TTLL3: variants seen among roughly 807,000 people sequenced by gnomAD.
TTLL3 encodes tubulin tyrosine ligase like 3.
Under a neutral mutation model 75.2 loss-of-function variants are expected in TTLL3, and 63 were observed. The observed-to-expected ratio is 0.84, with a 90% confidence interval of 0.68 to 1.03. The LOEUF (loss-of-function observed/expected upper bound fraction) is 1.03, where lower values mean the gene tolerates loss of function less well. Among genes scored for constraint, TTLL3 ranks in the 50% least tolerant of loss-of-function variants. The pLI, the probability that TTLL3 is intolerant of heterozygous loss-of-function variation, is 0.00. For missense variants in TTLL3, 997 were observed against 1,069.9 expected (o/e 0.93, Z 0.95); for synonymous variants, 393 against 418.5 (o/e 0.94, Z 0.74).
At chr3:9,815,847 TAAGGCCAAAAGGAGGC>T (rs2079800307) in intron 4 of TTLL3, among the ~76,000 whole-genome samples, 1 of 152,218 alleles carries the variant, frequency 6.6e-6, no homozygotes, top group African/African-American at 2.4e-5. Flanking sequence ...TTGGCCTCCC[TAAGGCCAAAAGGAGGC>T]TGAAAGGCTG....
intron 8 of TTLL3, among the ~76,000 whole-genome samples, chr3:9,823,362 C>T (rs1217042623): frequency 6.8e-6 from 1 of 147,902 alleles, no homozygotes; most frequent in Non-Finnish European, 1.5e-5. Flanking sequence ...CCAGCCTGGG[C>T]AACAGAGCGA....
At chr3:9,818,957 T>C (rs933209829) in intron 7 of TTLL3, 37 bp downstream of exon 7, 2 of 1,613,610 alleles carry the variant, frequency 1.2e-6, no homozygotes, top group African/African-American at 2.7e-5. Context: ...CCCACCCATT[T>C]ATCCTCCACC....
intron 4 of TTLL3, 36 bp downstream of exon 4, chr3:9,813,381 G>A (rs1441765009): frequency 6.2e-7 from 1 of 1,611,138 alleles, no homozygotes; most frequent in Non-Finnish European, 8.5e-7. Context: ...TACAGGGACT[G>A]CCTGCTTAGA....
At chr3:9,831,925 C>G (rs1166797170) in intron 11 of TTLL3, among the ~76,000 whole-genome samples, 1 of 150,254 alleles carries the variant, frequency 6.7e-6, no homozygotes, top group Non-Finnish European at 1.5e-5. Context: ...TCCCGAGTAG[C>G]TGGGATTACA....
At chr3:9,831,359 A>G (rs2081512721) in intron 11 of TTLL3, among the ~76,000 whole-genome samples, 1 of 152,220 alleles carries the variant, frequency 6.6e-6, no homozygotes, top group Non-Finnish European at 1.5e-5. Context: ...CTCAGGAACT[A>G]GAAGTTAGGT....
intron 10 of TTLL3, chr3:9,827,575 T>G: frequency 3.6e-6 from 1 of 277,074 alleles, no homozygotes; most frequent in Non-Finnish European, 7.0e-6. Context: ...TTTAAGTTTT[T>G]TAATGTAGAC....
At chr3:9,824,737 C>CTTTTTTTTTTTTT (rs71052207) in intron 8 of TTLL3, among the ~76,000 whole-genome samples, 3 of 80,672 alleles carry the variant, frequency 3.7e-5, no homozygotes, top group Admixed American at 1.6e-4. Flanking sequence ...CTTTTCTTTT[C>CTTTTTTTTTTTTT]TTTTTTTTTT....
chr3:9,809,963 C>CGCGGGATCAGGGGCCCTGGGAGGGCGGGA (rs2079187265), upstream of TTLL3: 2 of 1,292,956 alleles, frequency 1.5e-6, no homozygotes, highest in South Asian at 2.5e-5. Flanking sequence ...CGCGGAGGGG[C>CGCGGGATCAGGGGCCCTGGGAGGGCGGGA]GCGGGATCAG....
chr3:9,829,315 G>A lies in TTLL3; in HGVS notation c.1603G>A (p.Ala535Thr). The change falls in exon 11 of 14, where the codon GCT becomes ACT. Residue 535 changes from alanine to threonine, a missense_variant. Transcript: ENST00000685419. ...TGCCCGGCTCTGTGCTGGCGTGCAA[G>A]CTGACACCCTGCGCGTGGTCATTGA... Reference protein sequence around the residue: ...VTARLCAGVQADTLRVVIDRM... With the variant: ...VTARLCAGVQTDTLRVVIDRM... The A allele has an allele frequency of 6.2e-7, 1 of 1,613,778 alleles. No individual in the cohort carries two copies. The highest frequency in any genetic ancestry group is 8.5e-7 in the Non-Finnish European group (1 of 1,179,834).
chr3:9,811,235 C>T (rs1347516782), intron 2 of TTLL3, among the ~76,000 whole-genome samples: 2 of 152,194 alleles, frequency 1.3e-5, no homozygotes, highest in Non-Finnish European at 2.9e-5. Context: ...CAGCCTCGAA[C>T]TCCACATCCC....
Position 9,829,031 on chromosome 3 carries a change from C to T in TTLL3, c.1319C>T (p.Pro440Leu), listed in dbSNP as rs200212462. The change falls in exon 11 of 14, where the codon CCG (proline) becomes CTG (leucine). Residue 440 changes from proline to leucine, a missense_variant. By Grantham distance (98) the Pro-to-Leu change is moderately conservative. Transcript: ENST00000685419. ...ENSCHRHPLL[P>L]PDNMWSSQRF... ...TCATGCCATCGGCATCCACTGCTTC[C>T]GCCAGACAACATGTGGTCTAGCCAG... 6.8e-6 allele frequency: 11 copies of T among 1,614,104 alleles called. No individual in the cohort carries two copies. Among genetic ancestry groups the T allele is most frequent in the East Asian group, 4.5e-5 (2 of 44,900 alleles).
chr3:9,819,977 T>G, intron 7 of TTLL3: 1 of 986,552 alleles, frequency 1.0e-6, no homozygotes, highest in Non-Finnish European at 1.2e-6. Context: ...CAGGGGTGAG[T>G]CAGGTCTGTA....
At position 9,834,834 on chromosome 3, in the gene TTLL3, C is replaced by T. The variant is rs1461395101; in HGVS notation, c.1979C>T (p.Thr660Met). ...GGCAAGGCCTTGAGGACTCTACCCA[C>T]GGCTAAGGTCTTCATTTCCCTCCCA... ...TTGKALRTLP[T>M]AKVFISLPPN... is the part of the protein sequence containing the mutation. The change falls in exon 13 of 14, where the codon ACG becomes ATG. Residue 660 changes from threonine to methionine, a missense_variant. Physicochemically the swap from Thr to Met is moderately conservative, Grantham distance 81. Transcript: ENST00000685419. The T allele has an allele frequency of 2.5e-6, 4 of 1,614,072 alleles. No individual in the cohort carries two copies. Among genetic ancestry groups the T allele is most frequent in the East Asian group, 2.2e-5 (1 of 44,896 alleles).
intron 5 of TTLL3, 48 bp from the exon 6 acceptor site, chr3:9,817,597 G>A: frequency 6.2e-7 from 1 of 1,613,048 alleles, no homozygotes; most frequent in Non-Finnish European, 8.5e-7. Flanking sequence ...TGGGTGTGTG[G>A]TGAGTGTGGG....
At chr3:9,823,301 G>C (rs1052540370) in intron 8 of TTLL3, among the ~76,000 whole-genome samples, 3 of 151,860 alleles carry the variant, frequency 2.0e-5, no homozygotes, top group African/African-American at 7.3e-5. Flanking sequence ...GGAGAATGGC[G>C]TGAACCCAGA....
chr3:9,816,293 G>T, intron 5 of TTLL3, 91 bp downstream of exon 5: 1 of 1,249,992 alleles, frequency 8.0e-7, no homozygotes, highest in East Asian at 5.7e-5. Context: ...TTAGTAAGAG[G>T]AAGTTCTCAG....
rs767397097 is a variant in TTLL3, at chr3:9,834,832, C to A, written c.1977C>A (p.Pro659=). 25 of 1,614,088 alleles carry A rather than the reference C, an allele frequency of 1.5e-5. No homozygotes were observed. Among genetic ancestry groups the A allele is most frequent in the Non-Finnish European group, 2.1e-5 (25 of 1,180,024 alleles). The change falls in exon 13 of 14, where the codon CCC becomes CCA. Residue 659 remains proline, a synonymous_variant. Coordinates refer to ENST00000685419, the MANE Select transcript of TTLL3 (RefSeq NM_001387446.1). The part of the protein sequence containing the change: ...STTGKALRTL[P]TAKVFISLPP... ...CAGGCAAGGCCTTGAGGACTCTACC[C>A]ACGGCTAAGGTCTTCATTTCCCTCC...
chr3:9,810,273 T>C lies in TTLL3; in HGVS notation c.-163T>C, dbSNP rs2079215657. On this transcript the variant is annotated 5_prime_UTR_variant, in exon 1 of 14. Transcript: ENST00000685419. This position sits in a 1 kb window ranked among gnomAD's most constrained non-coding sequence, Gnocchi z 4.4. ...GATGCCAGGCGGGCAGCCCCGCCCC[T>C]GCGCGCCGCCTCAGCGGCGCCTTCA... is the stretch of plus-strand genomic sequence containing the variant. The C allele has an allele frequency of 6.6e-7, 1 of 1,506,572 alleles. No individual in the cohort carries two copies. The highest frequency in any genetic ancestry group is 8.8e-7 in the Non-Finnish European group (1 of 1,136,644). The allele number at this position is 1,506,572 out of a possible 1,614,324, so 93.3% of individuals were successfully genotyped here.
In TTLL3 at chr3:9,827,208, C is replaced by T. The variant is rs2081122989; in HGVS notation, c.1215C>T (p.Ser405=). 1 of 1,614,218 alleles carries T rather than the reference C, an allele frequency of 6.2e-7. No homozygotes were observed. Among genetic ancestry groups the T allele is most frequent in the Non-Finnish European group, 8.5e-7 (1 of 1,180,020 alleles). The part of the protein sequence containing the change: ...WFYRDSYIRF[S]TQPFSLKNLD... ...ACCGCGACAGCTATATCCGCTTTTC[C>T]ACGCAGCCCTTCTCCCTGAAGAACC... The change falls in exon 10 of 14, where the codon TCC becomes TCT. Residue 405 remains serine (S), a synonymous_variant. Coordinates refer to ENST00000685419, the MANE Select transcript of TTLL3 (RefSeq NM_001387446.1).
Sources: gnomAD v4.1 joint callset for allele counts (sites outside exome capture counted in the v4.1 genomes callset) on GRCh38, gnomAD v4.1.1 for gene constraint, Gnocchi (gnomAD v3.1) non-coding constraint, MANE v1.5 for transcripts, NCBI Gene and HGNC (gene_info 2026-07-23, HGNC 2026-07-21) for gene names.